The following CELF1 variants were observed in gnomAD, a reference collection of about 807,000 sequenced individuals.
CELF1 encodes the protein 50 kDa nuclear polyadenylated RNA-binding protein.
CELF1 carries 10 observed loss-of-function variants against 61.8 expected under a neutral mutation model. The ratio of observed to expected loss-of-function variants is 0.16; its 90% CI spans 0.10 to 0.27. The LOEUF is 0.27. Ranked by LOEUF, CELF1 falls within the 10% of genes least tolerant of loss-of-function variation. CELF1 has a pLI of 1.00. For missense variants in CELF1, 380 were observed against 639.1 expected (o/e 0.59, Z 4.37); for synonymous variants, 236 against 225.1 (o/e 1.05, Z -0.43).
At chr11:47,480,729 A>G (rs2082526869) in intron 9 of CELF1, among the ~76,000 whole-genome samples, 1 of 152,178 alleles carries the variant, frequency 6.6e-6, no homozygotes, top group African/African-American at 2.4e-5. Context: ...CAGCACTAAG[A>G]AACAATTTTT....
At position 47,499,445 on chromosome 11, in the gene CELF1, A is replaced by G; in HGVS notation, c.71+8T>C. 6.5e-7 allele frequency: 1 copy of G among 1,533,874 alleles called. No individual in the cohort carries two copies. Among genetic ancestry groups the G allele is most frequent in the Non-Finnish European group, 8.7e-7 (1 of 1,144,954 alleles). Reference sequence around the variant, plus strand: ...TTATGATAAAAATTAGACAACAAAAATACTTACACGGGACTGGAATTCAAA... The same window carrying G: ...TTATGATAAAAATTAGACAACAAAAGTACTTACACGGGACTGGAATTCAAA... On this transcript the variant is annotated splice_region_variant and intron_variant, in intron 3 of 14. Transcript: ENST00000687097.
At chr11:47,545,333 G>C (rs1269400270) in intron 1 of CELF1, among the ~76,000 whole-genome samples, 1 of 152,066 alleles carries the variant, frequency 6.6e-6, no homozygotes, top group Non-Finnish European at 1.5e-5. Flanking sequence ...GAGAGGCTGA[G>C]GCACGAGAAT....
intron 3 of CELF1, chr11:47,495,893 C>T: frequency 1.5e-6 from 1 of 650,304 alleles, no homozygotes; most frequent in Non-Finnish European, 1.9e-6. Flanking sequence ...TTTCTCATTA[C>T]CTGTTGACTT....
chr11:47,518,400 G>A (rs2095670337), intron 1 of CELF1, among the ~76,000 whole-genome samples: 1 of 152,186 alleles, frequency 6.6e-6, no homozygotes, highest in Non-Finnish European at 1.5e-5. Flanking sequence ...CTGGATTCCA[G>A]TAAAGAAGGC....
At chr11:47,515,971 T>C (rs558417437) in intron 1 of CELF1, among the ~76,000 whole-genome samples, 11 of 145,344 alleles carry the variant, frequency 7.6e-5, no homozygotes, top group African/African-American at 2.5e-4. Context: ...GGCTAGAGGG[T>C]AGTGGTGCAA....
At chr11:47,517,185 G>A (rs2095601860) in intron 1 of CELF1, among the ~76,000 whole-genome samples, 1 of 150,452 alleles carries the variant, frequency 6.6e-6, no homozygotes, top group South Asian at 2.1e-4. Context: ...AGGTCGGGCT[G>A]CAGTGAACTG....
intron 1 of CELF1, among the ~76,000 whole-genome samples, chr11:47,534,022 CTTTTTT>C (rs71042679): frequency 5.0e-4 from 44 of 87,616 alleles, no homozygotes; most frequent in African/African-American, 1.3e-3. Context: ...TTTTTCTTTC[CTTTTTT>C]TTTTTTTTTT....
At chr11:47,490,976 C>T (rs2091170956) in intron 3 of CELF1, among the ~76,000 whole-genome samples, 2 of 151,704 alleles carry the variant, frequency 1.3e-5, no homozygotes, top group Admixed American at 6.6e-5. Context: ...ATTTTCCTGC[C>T]TTAGCCTCCC....
chr11:47,533,441 G>A (rs978301732), intron 1 of CELF1, among the ~76,000 whole-genome samples: 1 of 152,096 alleles, frequency 6.6e-6, no homozygotes, highest in African/African-American at 2.4e-5. Flanking sequence ...GGGCAACATG[G>A]TGAAACCCCC....
intron 14 of CELF1, 112 bp downstream of exon 14, chr11:47,472,976 C>A: frequency 2.4e-6 from 3 of 1,262,904 alleles, no homozygotes; most frequent in Admixed American, 2.7e-5. Context: ...CTGCCCATGG[C>A]CAAGTTAAAA....
intron 1 of CELF1, among the ~76,000 whole-genome samples, chr11:47,517,824 T>C (rs1427814655): frequency 6.6e-6 from 1 of 152,164 alleles, no homozygotes; most frequent in African/African-American, 2.4e-5. Flanking sequence ...AGCTACTTTT[T>C]TGTATTTTTA....
chr11:47,559,063 T>C (rs866295458), intron 2 of CELF1, among the ~76,000 whole-genome samples: 1 of 142,268 alleles, frequency 7.0e-6, no homozygotes, highest in Non-Finnish European at 1.5e-5. Context: ...ATATGTTATA[T>C]ATAATAATAT....
At chr11:47,484,970 GC>G (rs113083967) in intron 6 of CELF1, among the ~76,000 whole-genome samples, 4 of 152,256 alleles carry the variant, frequency 2.6e-5, no homozygotes, top group African/African-American at 9.6e-5. Flanking sequence ...GACCCACCAC[GC>G]CCGGCTTCAC....
intron 1 of CELF1, among the ~76,000 whole-genome samples, chr11:47,551,036 GT>G (rs1431611162): frequency 0.03 from 341 of 11,368 alleles, 3 homozygotes; most frequent in Middle Eastern, 0.062. Flanking sequence ...TCGTGATATT[GT>G]TTAAAAAAAA....
intron 1 of CELF1, among the ~76,000 whole-genome samples, chr11:47,508,667 A>T (rs933114626): frequency 7.2e-6 from 1 of 138,666 alleles, no homozygotes; most frequent in African/African-American, 2.5e-5. Context: ...TTTTTAAAGG[A>T]AACCTCAAAC....
intron 1 of CELF1, among the ~76,000 whole-genome samples, chr11:47,547,669 CA>C (rs1169198313): frequency 0.028 from 1,700 of 61,050 alleles, 21 homozygotes; most frequent in African/African-American, 0.08. Context: ...AACTCCATCT[CA>C]AAAAAAAAAA....
intron 3 of CELF1, among the ~76,000 whole-genome samples, chr11:47,490,408 T>C (rs919543373): frequency 8.0e-5 from 12 of 150,146 alleles, no homozygotes; most frequent in Non-Finnish European, 1.5e-4. Context: ...TAATATCCAA[T>C]CCCAAACAAC....
chr11:47,533,071 CT>C lies in CELF1; in HGVS notation c.-154+19920del, dbSNP rs544522994. On this transcript the variant is annotated intron_variant, in intron 1 of 14. Transcript: ENST00000687097. Reference sequence around the variant, plus strand: ...GATTCCTGGGGGTGGATCCAGAAGGCTTTTTTTTTTCTATCACAGTATTTTT... The same window carrying C: ...GATTCCTGGGGGTGGATCCAGAAGGCTTTTTTTTTCTATCACAGTATTTTT... 6.9e-4 allele frequency among the ~76,000 whole-genome samples: 102 copies of C among 147,248 alleles called. 1 individual carries two copies. In the South Asian group the frequency reaches 0.02, roughly 28 times the overall value.
chr11:47,479,977 C>A (rs910541037), intron 9 of CELF1, among the ~76,000 whole-genome samples: 6 of 152,022 alleles, frequency 3.9e-5, no homozygotes, highest in Non-Finnish European at 8.8e-5. Context: ...AGATAAAAAC[C>A]AACTCCTCCA....
Sources: gnomAD v4.1 joint callset for allele counts (sites outside exome capture counted in the v4.1 genomes callset) on GRCh38, gnomAD v4.1.1 for gene constraint, MANE v1.5 for transcripts, NCBI Gene and HGNC (gene_info 2026-07-23, HGNC 2026-07-21) for gene names.